FKBP9: variants seen among roughly 807,000 people sequenced by gnomAD.
FKBP9 encodes the protein peptidyl-prolyl cis-trans isomerase FKBP9.
A neutral mutation model predicts 55.6 loss-of-function variants in FKBP9; 27 were observed. The ratio of observed to expected loss-of-function variants is 0.49; its 90% CI spans 0.36 to 0.67. FKBP9 has a LOEUF of 0.67. Ranked by LOEUF, FKBP9 falls within the 30% of genes least tolerant of loss-of-function variation. The pLI, the probability that FKBP9 is intolerant of heterozygous loss-of-function variation, is 0.00. For synonymous variants in FKBP9, 267 were observed against 296.5 expected, an observed-to-expected ratio of 0.90 and a Z score of 1.02; for missense variants, 539 against 742.8, an observed-to-expected ratio of 0.73 and a Z score of 3.19.
chr7:32,977,890 T>TATAC (rs1473389643), intron 4 of FKBP9, among the ~76,000 whole-genome samples: 2 of 139,340 alleles, frequency 1.4e-5, no homozygotes, highest in Non-Finnish European at 3.1e-5. Flanking sequence ...TATGTATATA[T>TATAC]ACACTCATAT....
chr7:33,003,589 C>A lies in FKBP9; in HGVS notation c.1536+750C>A, dbSNP rs529317464. On this transcript the variant is annotated intron_variant, in intron 9 of 9. Coordinates refer to ENST00000242209, the MANE Select transcript of FKBP9 (RefSeq NM_007270.5). ...TGTCCCTCTATGCCTCTGAGCCTGA[C>A]CTTGCCAGGGTGGCCAATGTCTTCC... 5.9e-3 allele frequency among the ~76,000 whole-genome samples: 906 copies of A among 152,320 alleles called. 9 individuals are homozygous for A. Among genetic ancestry groups the A allele is most frequent in the African/African-American group, 0.021 (863 of 41,562 alleles).
intron 1 of FKBP9, among the ~76,000 whole-genome samples, chr7:32,963,284 G>A (rs1280739540): frequency 7.8e-3 from 2 of 256 alleles, no homozygotes. Context: ...AAGGGTGTGG[G>A]AGAACCCAGT....
chr7:32,974,102 C>G (rs1172241607), intron 1 of FKBP9, among the ~76,000 whole-genome samples: 1 of 151,546 alleles, frequency 6.6e-6, no homozygotes, highest in African/African-American at 2.4e-5. Context: ...CTCTTGGGCT[C>G]AAGCGATCCT....
chr7:32,976,383 A>G lies in FKBP9; in HGVS notation c.587A>G (p.Tyr196Cys). The G allele has an allele frequency of 6.2e-7, 1 of 1,613,886 alleles. No homozygotes were observed. The highest frequency in any genetic ancestry group is 8.5e-7 in the Non-Finnish European group (1 of 1,179,852). Residue 196 changes from tyrosine to cysteine, a missense_variant, in exon 4 of 10, where the codon TAT becomes TGT. Tyr to Cys is a radical substitution (Grantham distance 194). Coordinates refer to ENST00000242209, the MANE Select transcript of FKBP9 (RefSeq NM_007270.5). ...AATCGCATGAAAACATATGACACGT[A>G]TGTGGGAATTGGCTGGCTGATTCCT... is the stretch of plus-strand genomic sequence containing the variant. The part of the protein sequence containing the change: ...SHNRMKTYDT[Y>C]VGIGWLIPGM...
Position 33,002,667 on chromosome 7 carries a change from C to T in FKBP9, c.1373-9C>T. On this transcript the variant is annotated splice_polypyrimidine_tract_variant and intron_variant, in intron 8 of 9. Transcript: ENST00000242209. Reference sequence around the variant, plus strand: ...CTGACACCGCCTCCCGCTCCTGTCACCTGGACAGATGGAGAAGTGCCCGGC... The same window carrying T: ...CTGACACCGCCTCCCGCTCCTGTCATCTGGACAGATGGAGAAGTGCCCGGC... The T allele has an allele frequency of 6.2e-7, 1 of 1,612,940 alleles. No homozygotes were observed. The highest frequency in any genetic ancestry group is 8.5e-7 in the Non-Finnish European group (1 of 1,179,518).
chr7:32,986,571 C>T (rs1784585161), intron 5 of FKBP9, among the ~76,000 whole-genome samples: 1 of 152,342 alleles, frequency 6.6e-6, no homozygotes, highest in African/African-American at 2.4e-5. Flanking sequence ...GCGTGGGGTG[C>T]TGTTCTCAGT....
At chr7:32,991,580 TG>T (rs952584364) in intron 6 of FKBP9, among the ~76,000 whole-genome samples, 1 of 151,778 alleles carries the variant, frequency 6.6e-6, no homozygotes, top group African/African-American at 2.4e-5. Context: ...AGGAATGAAT[TG>T]TGGGCTGACC....
rs775799980 is a variant in FKBP9 at position 32,988,549 on chromosome 7, C to T, written c.936C>T (p.Gly312=). 1 of 1,613,796 alleles carries T rather than the reference C, an allele frequency of 6.2e-7. No individual in the cohort carries two copies. The highest frequency in any genetic ancestry group is 1.1e-5 in the South Asian group (1 of 91,062). Residue 312 remains glycine (G), a synonymous_variant, in exon 6 of 10, where the codon GGC becomes GGT. Coordinates refer to ENST00000242209, the MANE Select transcript of FKBP9 (RefSeq NM_007270.5). Reference sequence around the variant, plus strand: ...CGTTTGACACGTACATTGGGCAGGGCTACGTGATTCCTGGGATGGATGAAG... The same window carrying T: ...CGTTTGACACGTACATTGGGCAGGGTTACGTGATTCCTGGGATGGATGAAG... ...NRTFDTYIGQ[G]YVIPGMDEGL... is the part of the protein sequence containing the mutation.
Position 32,975,389 on chromosome 7 carries a change from T to C in FKBP9, c.557+18T>C, listed in dbSNP as rs761080514. ...GATTCGAGGTAAGTCCTGTCGTTCA[T>C]GGCAGTATCAGTGAAATGTCCCATG... On this transcript the variant is annotated intron_variant, in intron 3 of 9. Transcript: ENST00000242209. The C allele has an allele frequency of 3.1e-6, 5 of 1,608,466 alleles. No individual in the cohort carries two copies. The highest frequency in any genetic ancestry group is 1.1e-5 in the South Asian group (1 of 90,952).
intron 5 of FKBP9, among the ~76,000 whole-genome samples, chr7:32,986,453 T>C (rs1464512087): frequency 9.2e-5 from 14 of 152,354 alleles, no homozygotes; most frequent in East Asian, 5.8e-4. Flanking sequence ...GGGTGAGCCC[T>C]GCTCTGGCTG....
At chr7:32,999,856 C>G (rs1784900309) in intron 7 of FKBP9, among the ~76,000 whole-genome samples, 1 of 152,084 alleles carries the variant, frequency 6.6e-6, no homozygotes, top group Non-Finnish European at 1.5e-5. Context: ...AAAAAGGACC[C>G]CATTCCACTA....
At chr7:32,993,127 T>G in intron 6 of FKBP9, 1 of 232,672 alleles carries the variant, frequency 4.3e-6, no homozygotes, top group Non-Finnish European at 8.5e-6. Flanking sequence ...TGCACCTGAA[T>G]GCATCTTGGA....
intron 1 of FKBP9, among the ~76,000 whole-genome samples, chr7:32,972,596 T>A (rs1342156887): frequency 1.3e-5 from 2 of 152,330 alleles, no homozygotes; most frequent in East Asian, 3.9e-4. Context: ...ACAAATTCAG[T>A]CACCTGAAGT....
In FKBP9 at chr7:32,986,250, C is replaced by T. The variant is rs577462277; in HGVS notation, c.894-2257C>T. Among the ~76,000 whole-genome samples, 1,075 of 152,300 alleles carry T rather than the reference C, an allele frequency of 7.1e-3. 11 individuals are homozygous for T. The highest frequency in any genetic ancestry group is 0.025 in the African/African-American group (1,020 of 41,554). ...CACAGCCTTCGGTGTCTGCTATCTCCCCTCTGCCATGGAATCTTTGCAACT... is the reference window on the plus strand; with the variant it reads ...CACAGCCTTCGGTGTCTGCTATCTCTCCTCTGCCATGGAATCTTTGCAACT... On this transcript the variant is annotated intron_variant, in intron 5 of 9. Transcript: ENST00000242209.
At chr7:32,977,108 A>G (rs989081489) in intron 4 of FKBP9, among the ~76,000 whole-genome samples, 8 of 152,268 alleles carry the variant, frequency 5.3e-5, no homozygotes, top group African/African-American at 1.4e-4. Context: ...TAGAAAACAC[A>G]TTAATTACAA....
At chr7:33,001,022 CT>C (rs1302720787) in intron 8 of FKBP9, among the ~76,000 whole-genome samples, 1 of 152,122 alleles carries the variant, frequency 6.6e-6, no homozygotes, top group African/African-American at 2.4e-5. Context: ...AGCGATGCTC[CT>C]GCTTAGGCCT....
At chr7:32,997,684 C>T (rs1420946875) in intron 7 of FKBP9, among the ~76,000 whole-genome samples, 3 of 152,266 alleles carry the variant, frequency 2.0e-5, no homozygotes, top group Admixed American at 6.5e-5. Context: ...AAAAATTAGC[C>T]GGGCGTAGTG....
intron 4 of FKBP9, among the ~76,000 whole-genome samples, chr7:32,977,255 A>C (rs1320360566): frequency 6.6e-6 from 1 of 152,252 alleles, no homozygotes; most frequent in Non-Finnish European, 1.5e-5. Context: ...AGAGACCGGT[A>C]GACATTTAAA....
intron 5 of FKBP9, among the ~76,000 whole-genome samples, chr7:32,987,684 A>G (rs1054774591): frequency 2.0e-5 from 3 of 152,004 alleles, no homozygotes; most frequent in Non-Finnish European, 4.4e-5. Flanking sequence ...CCCAGGCTGG[A>G]GTGCAGTGTT....
Sources: allele counts gnomAD v4.1 joint callset (sites outside exome capture counted in the v4.1 genomes callset), GRCh38; gene constraint gnomAD v4.1.1; transcripts MANE v1.5; gene names NCBI Gene and HGNC (gene_info 2026-07-23, HGNC 2026-07-21).